EYS: variants seen among roughly 807,000 people sequenced by gnomAD.
EYS encodes EGF-like photoreceptor maintenance factor, also known as protein eyes shut homolog.
EYS carries 250 observed loss-of-function variants against 282.1 expected under a neutral mutation model. That is an observed-to-expected ratio of 0.89 (90% CI 0.80 to 0.98). The LOEUF (loss-of-function observed/expected upper bound fraction) is 0.98, where lower values mean the gene tolerates loss of function less well. Among genes scored for constraint, EYS ranks in the 50% least tolerant of loss-of-function variants. The probability of loss-of-function intolerance (pLI) is 0.00; values close to 1 mark genes in which losing one functional copy is unlikely to be tolerated. For missense variants in EYS, 4,016 were observed against 3,709.0 expected (o/e 1.08, Z -2.15); for synonymous variants, 1,355 against 1,282.9 (o/e 1.06, Z -1.20).
At chr6:65,531,519 C>G (rs986511589) in intron 2 of EYS, among the ~76,000 whole-genome samples, 1 of 152,092 alleles carries the variant, frequency 6.6e-6, no homozygotes, top group African/African-American at 2.4e-5. Flanking sequence ...AAAGCCCAAT[C>G]CCCAAAGTCA....
intron 24 of EYS, among the ~76,000 whole-genome samples, chr6:64,600,717 C>T (rs1333407085): frequency 1.3e-5 from 2 of 152,000 alleles, no homozygotes; most frequent in African/African-American, 4.8e-5. Context: ...ATGGCCGGGG[C>T]TAATATGATG....
chr6:65,353,600 C>T lies in EYS; in HGVS notation c.1317G>A (p.Gly439=). ...IGRFKYVCIP[G]CTKNPCWFLK... ...AAAACCAACATGGATTTTTTGTGCA[C>T]CCTGGAATGCATACATACTGCAAAA... The change falls in exon 9 of 43, where the codon GGG becomes GGA. Residue 439 remains glycine (G), a synonymous_variant. Coordinates refer to ENST00000503581, the MANE Select transcript of EYS (RefSeq NM_001142800.2). 1 of 1,612,610 alleles carries T rather than the reference C, an allele frequency of 6.2e-7. No homozygotes were observed. The highest frequency in any genetic ancestry group is 8.5e-7 in the Non-Finnish European group (1 of 1,179,082).
At chr6:63,727,735 A>C (rs867270441) in intron 41 of EYS, among the ~76,000 whole-genome samples, 9 of 50,760 alleles carry the variant, frequency 1.8e-4, no homozygotes, top group African/African-American at 1.5e-3. Flanking sequence ...AAAAAAAAAA[A>C]AAATATATAT....
In EYS at chr6:64,508,736, C is replaced by T. The variant is rs543080796; in HGVS notation, c.5645-69384G>A. On this transcript the variant is annotated intron_variant, in intron 26 of 42. Transcript: ENST00000503581. Reference sequence around the variant, plus strand: ...GGTTTATGTGAATTACATTACAGTACATTAAAGCTTAAGTGATCACCAATG... The same window carrying T: ...GGTTTATGTGAATTACATTACAGTATATTAAAGCTTAAGTGATCACCAATG... 1.6e-4 allele frequency among the ~76,000 whole-genome samples: 25 copies of T among 151,970 alleles called. 1 individual carries two copies. In the South Asian group the frequency reaches 5.2e-3, roughly 32 times the overall value.
chr6:65,440,989 T>C (rs1221503169), intron 5 of EYS, among the ~76,000 whole-genome samples: 2 of 141,534 alleles, frequency 1.4e-5, no homozygotes, highest in Non-Finnish European at 3.1e-5. Flanking sequence ...TATATATCTA[T>C]ATATATTAAA....
chr6:65,278,341 C>CTATATATTCTATATATAGAATA (rs1768118313), intron 12 of EYS, among the ~76,000 whole-genome samples: 1 of 145,460 alleles, frequency 6.9e-6, no homozygotes, highest in African/African-American at 2.5e-5. Context: ...TATATAGAAT[C>CTATATATTCTATATATAGAATA]TATATATTCT....
At chr6:65,457,138 T>TTTG (rs143012118) in intron 5 of EYS, among the ~76,000 whole-genome samples, 31,987 of 151,488 alleles carry the variant, frequency 0.21, 3,646 homozygotes, top group Middle Eastern at 0.32. Flanking sequence ...TTTTCTCTCT[T>TTTG]TTGTTGTTGT....
chr6:64,409,460 G>GA (rs1418643031), intron 28 of EYS, among the ~76,000 whole-genome samples: 2 of 152,116 alleles, frequency 1.3e-5, no homozygotes. Flanking sequence ...ATAGAAAAAG[G>GA]TGATCCTTGA....
At chr6:65,396,996 T>C (rs940229832) in intron 7 of EYS, among the ~76,000 whole-genome samples, 131 of 151,904 alleles carry the variant, frequency 8.6e-4, no homozygotes, top group African/African-American at 3.1e-3. Context: ...TTAGCTTCTC[T>C]AATAATTGTC....
intron 36 of EYS, among the ~76,000 whole-genome samples, chr6:63,808,534 T>C (rs1448441406): frequency 6.6e-6 from 1 of 152,154 alleles, no homozygotes; most frequent in Non-Finnish European, 1.5e-5. Context: ...AATCTAACAA[T>C]GAATTAAGCT....
rs866803199 is a variant in EYS at position 65,329,414 on chromosome 6, A to T, written c.1766+5566T>A. On this transcript the variant is annotated intron_variant, in intron 11 of 42. Transcript: ENST00000503581. The stretch of plus-strand genomic sequence containing the variant: ...TTACTATAAGGATTTAAGAACCAAG[A>T]TTATTTGGTTTTCTAGAGCATAATA... 2.8e-4 allele frequency: 256 copies of T among 918,538 alleles called. No individual in the cohort carries two copies. The African/African-American group carries it at 4.3e-3, about 15-fold the overall frequency. 56.9% of individuals were successfully genotyped at this position (918,538 alleles called of 1,614,324 possible). A position where few individuals can be genotyped will look rare whatever the true frequency, so the allele number is the denominator to read the frequency against.
intron 13 of EYS, among the ~76,000 whole-genome samples, chr6:65,036,035 C>T (rs1772759047): frequency 6.6e-6 from 1 of 150,860 alleles, no homozygotes; most frequent in Non-Finnish European, 1.5e-5. Flanking sequence ...CAATCCTTAG[C>T]ACAAAGAATA....
chr6:65,140,340 ATAAAC>A (rs1436283481), intron 12 of EYS, among the ~76,000 whole-genome samples: 1 of 152,018 alleles, frequency 6.6e-6, no homozygotes, highest in Non-Finnish European at 1.5e-5. Flanking sequence ...ATAATAGAAA[ATAAAC>A]TGAAAAAAAA....
At chr6:64,333,762 C>A (rs1396154804) in intron 29 of EYS, among the ~76,000 whole-genome samples, 1 of 152,150 alleles carries the variant, frequency 6.6e-6, no homozygotes, top group Non-Finnish European at 1.5e-5. Flanking sequence ...TTTCAAGGAA[C>A]ACTTTAATCC....
chr6:65,099,919 C>G (rs566550968), intron 12 of EYS, among the ~76,000 whole-genome samples: 1 of 150,724 alleles, frequency 6.6e-6, no homozygotes, highest in East Asian at 1.9e-4. Flanking sequence ...CACTTCATGG[C>G]AAAGATGAAA....
rs908678380 is a variant in EYS at position 64,782,110 on chromosome 6, A to G, written c.3443+31268T>C. ...TTAGTGTTTACAATGTCTCTTGGAA[A>G]CACTAAGGTTGGTATTCATAAGTTA... On this transcript the variant is annotated intron_variant, in intron 22 of 42. Coordinates refer to ENST00000503581, the MANE Select transcript of EYS (RefSeq NM_001142800.2). 2.6e-5 allele frequency among the ~76,000 whole-genome samples: 4 copies of G among 152,178 alleles called. No individual in the cohort carries two copies. In the East Asian group the frequency reaches 7.7e-4, roughly 29 times the overall value.
intron 2 of EYS, among the ~76,000 whole-genome samples, chr6:65,499,290 C>CA (rs1388529348): frequency 6.6e-6 from 1 of 151,600 alleles, no homozygotes; most frequent in East Asian, 1.9e-4. Context: ...TTATATAAGC[C>CA]AAAAAATAAT....
intron 5 of EYS, among the ~76,000 whole-genome samples, chr6:65,462,525 T>C (rs1764858608): frequency 1.3e-5 from 2 of 152,140 alleles, no homozygotes; most frequent in South Asian, 4.1e-4. Context: ...ATTAGAATTC[T>C]ATTTATTATT....
intron 34 of EYS, among the ~76,000 whole-genome samples, chr6:63,987,023 T>G (rs934461301): frequency 1.3e-4 from 20 of 151,714 alleles, no homozygotes; most frequent in Non-Finnish European, 2.2e-4. Flanking sequence ...TCTGTAAAAT[T>G]AGGCTGTTGA....
Sources: gnomAD v4.1 joint callset for allele counts (sites outside exome capture counted in the v4.1 genomes callset) on GRCh38, gnomAD v4.1.1 for gene constraint, MANE v1.5 for transcripts, NCBI Gene and HGNC (gene_info 2026-07-23, HGNC 2026-07-21) for gene names.